IGSF11: variants seen among roughly 807,000 people sequenced by gnomAD.
IGSF11 encodes CXADR like 1.
In IGSF11, 22 loss-of-function variants were observed where a neutral mutation model predicts 41.0. The observed-to-expected ratio is 0.54, with a 90% CI of 0.38 to 0.77. The LOEUF is 0.77. Among genes scored for constraint, IGSF11 ranks in the 30% least tolerant of loss-of-function variants. The pLI is 0.00. For missense variants in IGSF11, 444 were observed against 530.8 expected, an observed-to-expected ratio of 0.84 and a Z score of 1.61; for synonymous variants, 219 against 201.3, an observed-to-expected ratio of 1.09 and a Z score of -0.74.
intron 1 of IGSF11, among the ~76,000 whole-genome samples, chr3:119,138,936 A>G (rs1353667251): frequency 6.6e-6 from 1 of 152,158 alleles, no homozygotes; most frequent in African/African-American, 2.4e-5. Context: ...AGAAGGAATG[A>G]ATAAGACCTA....
chr3:118,925,779 G>A (rs977816228), intron 4 of IGSF11: 39 of 158,254 alleles, frequency 2.5e-4, no homozygotes, highest in African/African-American at 6.7e-4. Flanking sequence ...CAAGCAGGAA[G>A]TGTATTCTCA....
intron 1 of IGSF11, among the ~76,000 whole-genome samples, chr3:119,031,152 G>C (rs1307764638): frequency 1.3e-5 from 2 of 152,148 alleles, no homozygotes; most frequent in Non-Finnish European, 2.9e-5. Flanking sequence ...GGCTACTCGG[G>C]AGGCTGAGGC....
At chr3:118,907,505 C>A (rs74569861) in intron 4 of IGSF11, among the ~76,000 whole-genome samples, 4,772 of 152,122 alleles carry the variant, frequency 0.031, 105 homozygotes, top group Non-Finnish European at 0.044. Context: ...ATTGAGAAAT[C>A]AAATAGACTA....
intron 1 of IGSF11, among the ~76,000 whole-genome samples, chr3:118,997,557 C>T (rs373284884): frequency 8.1e-5 from 12 of 147,280 alleles, no homozygotes; most frequent in South Asian, 2.3e-4. Flanking sequence ...CCCCCTCCCC[C>T]GGCTCCCTGA....
In IGSF11 at chr3:118,930,214, C is replaced by T. The variant is rs762223256; in HGVS notation, c.114G>A (p.Gln38=). The change falls in exon 2 of 7, where the codon CAG becomes CAA. Residue 38 remains glutamine, a synonymous_variant. Transcript: ENST00000393775. ...TGAAAGTGCAGGGCAGGACTGCTGGCTGACCCCGGGCCACCTGGATACTCC... is the reference window on the plus strand; with the variant it reads ...TGAAAGTGCAGGGCAGGACTGCTGGTTGACCCCGGGCCACCTGGATACTCC... ...SPGSIQVARG[Q]PAVLPCTFTT... is the part of the protein sequence containing the mutation. 4.1e-5 allele frequency: 66 copies of T among 1,613,870 alleles called. No homozygotes were observed. Among genetic ancestry groups the T allele is most frequent in the Middle Eastern group, 3.3e-4 (2 of 6,080 alleles).
intron 4 of IGSF11, among the ~76,000 whole-genome samples, chr3:118,924,564 G>A (rs376058136): frequency 2.6e-5 from 4 of 152,008 alleles, no homozygotes; most frequent in South Asian, 2.1e-4. Context: ...GTTTTCATCC[G>A]TCTCATTCAA....
chr3:118,902,454 C>A lies in IGSF11; in HGVS notation c.*66G>T. 1.7e-6 allele frequency: 1 copy of A among 592,842 alleles called. No homozygotes were observed. Among genetic ancestry groups the A allele is most frequent in the Non-Finnish European group, 3.2e-6 (1 of 314,932 alleles). The allele number at this position is 592,842 out of a possible 1,614,324, so 36.7% of individuals were successfully genotyped here. On this transcript the variant is annotated 3_prime_UTR_variant, in exon 7 of 7. Coordinates refer to ENST00000393775, the MANE Select transcript of IGSF11 (RefSeq NM_001015887.3). ...GTGTTTCTTTCCCAGCACTCCCCAC[C>A]CCACCCTCCCCCTTGTATGAGGGCA...
rs554441404 is a variant in IGSF11, at chr3:119,046,392, C to G, written c.49+58752G>C. Among the ~76,000 whole-genome samples the G allele has an allele frequency of 5.8e-4, 88 of 152,096 alleles. 1 individual carries two copies. Among genetic ancestry groups the G allele is most frequent in the African/African-American group, 1.9e-3 (78 of 41,460 alleles). ...TGCAATCAACTGGAAGAAAGGGTAT[C>G]AGCAATGGAAGATGAAATGAATGAA... is the stretch of plus-strand genomic sequence containing the variant. On this transcript the variant is annotated intron_variant, in intron 1 of 6. Transcript: ENST00000354673.
At chr3:118,971,203 G>A (rs1416317550) in intron 1 of IGSF11, among the ~76,000 whole-genome samples, 2 of 152,196 alleles carry the variant, frequency 1.3e-5, no homozygotes, top group African/African-American at 2.4e-5. Context: ...TGTATTTACA[G>A]GGGCAGAAAG....
intron 4 of IGSF11, among the ~76,000 whole-genome samples, chr3:118,921,502 A>G (rs1236782924): frequency 6.6e-6 from 1 of 152,184 alleles, no homozygotes; most frequent in African/African-American, 2.4e-5. Flanking sequence ...TAATTTAAAT[A>G]TTAATATTTA....
intron 1 of IGSF11, among the ~76,000 whole-genome samples, chr3:119,048,581 G>A (rs940333240): frequency 1.3e-5 from 2 of 152,030 alleles, no homozygotes; most frequent in African/African-American, 4.8e-5. Flanking sequence ...AGGAGGAACT[G>A]GTACCATTCC....
intron 1 of IGSF11, among the ~76,000 whole-genome samples, chr3:119,045,749 A>T (rs1247541430): frequency 6.6e-6 from 1 of 151,946 alleles, no homozygotes; most frequent in African/African-American, 2.4e-5. Context: ...TCCCTGTCTG[A>T]CAGCTTTGAA....
At chr3:119,057,227 T>C (rs1051016198) in intron 1 of IGSF11, among the ~76,000 whole-genome samples, 2 of 152,160 alleles carry the variant, frequency 1.3e-5, no homozygotes, top group Non-Finnish European at 1.5e-5. Flanking sequence ...GAAAACCCCA[T>C]CGTCTCAGCC....
intron 1 of IGSF11, among the ~76,000 whole-genome samples, chr3:119,135,700 A>G (rs949367359): frequency 6.6e-6 from 1 of 152,222 alleles, no homozygotes; most frequent in Non-Finnish European, 1.5e-5. Context: ...TGACCCAGCC[A>G]TCCCATTACT....
At chr3:119,130,338 C>T (rs1038624131) in intron 1 of IGSF11, among the ~76,000 whole-genome samples, 8 of 152,202 alleles carry the variant, frequency 5.3e-5, no homozygotes, top group Non-Finnish European at 7.3e-5. Flanking sequence ...CCTGGAAAAT[C>T]GGTACACTCT....
intron 1 of IGSF11, among the ~76,000 whole-genome samples, chr3:119,047,357 A>C (rs1021369019): frequency 2.0e-5 from 3 of 152,232 alleles, no homozygotes; most frequent in Non-Finnish European, 4.4e-5. Flanking sequence ...CTACTCTCTG[A>C]TAAAACAGAC....
intron 1 of IGSF11, among the ~76,000 whole-genome samples, chr3:119,019,969 T>C (rs1939127022): frequency 6.6e-6 from 1 of 152,052 alleles, no homozygotes; most frequent in Admixed American, 6.5e-5. Flanking sequence ...ATGAGATTTA[T>C]GCCATTATAA....
intron 1 of IGSF11, among the ~76,000 whole-genome samples, chr3:119,088,238 GAA>G (rs34566760): frequency 6.8e-6 from 1 of 146,846 alleles, no homozygotes; most frequent in Non-Finnish European, 1.5e-5. Context: ...GGACCACGGT[GAA>G]AAAAAAAAAC....
At chr3:119,009,903 T>C (rs2107691461) in intron 1 of IGSF11, among the ~76,000 whole-genome samples, 1 of 152,340 alleles carries the variant, frequency 6.6e-6, no homozygotes, top group African/African-American at 2.4e-5. Context: ...TGAATTATAC[T>C]ATACCTAGAT....
Sources: allele counts gnomAD v4.1 joint callset (sites outside exome capture counted in the v4.1 genomes callset), GRCh38; gene constraint gnomAD v4.1.1; transcripts MANE v1.5; gene names NCBI Gene and HGNC (gene_info 2026-07-23, HGNC 2026-07-21).